Variants in TYW1 observed in about 807,000 individuals in gnomAD.
The protein encoded by TYW1 is S-adenosyl-L-methionine-dependent tRNA 4-demethylwyosine synthase TYW1.
In TYW1, 46 loss-of-function variants were observed where a neutral mutation model predicts 96.2. The observed-to-expected ratio is 0.48, with a 90% CI of 0.38 to 0.61. The LOEUF (loss-of-function observed/expected upper bound fraction) is 0.61. Ranked by LOEUF, TYW1 falls within the 20% of genes least tolerant of loss-of-function variation. The probability of loss-of-function intolerance (pLI) is 0.00; values close to 1 mark genes in which losing one functional copy is unlikely to be tolerated. For missense variants in TYW1, 684 were observed against 909.6 expected, an observed-to-expected ratio of 0.75 and a Z score of 3.19; for synonymous variants, 274 against 323.0, an observed-to-expected ratio of 0.85 and a Z score of 1.63.
At chr7:67,198,420 G>A (rs1405432269) in intron 15 of TYW1, among the ~76,000 whole-genome samples, 7 of 151,882 alleles carry the variant, frequency 4.6e-5, no homozygotes, top group South Asian at 2.1e-4. Context: ...GTGTGGTGGC[G>A]GGGGCCTGTA....
chr7:67,109,897 A>T (rs897252470), intron 12 of TYW1, among the ~76,000 whole-genome samples: 2 of 152,200 alleles, frequency 1.3e-5, no homozygotes, highest in Non-Finnish European at 2.9e-5. Flanking sequence ...AATAAAAAAG[A>T]AAACCAGTAG....
intron 15 of TYW1, among the ~76,000 whole-genome samples, chr7:67,234,459 G>A (rs1801825325): frequency 6.6e-6 from 1 of 151,974 alleles, no homozygotes; most frequent in Non-Finnish European, 1.5e-5. Context: ...GAGCAAGAAG[G>A]CAGCCGCCTT....
chr7:67,013,266 G>T (rs1296300424), intron 4 of TYW1, among the ~76,000 whole-genome samples: 3 of 151,964 alleles, frequency 2.0e-5, no homozygotes, highest in Non-Finnish European at 4.4e-5. Flanking sequence ...GGAACTACAG[G>T]CACCCACTAC....
At chr7:67,019,818 A>G (rs1236174855) in intron 6 of TYW1, among the ~76,000 whole-genome samples, 2 of 152,292 alleles carry the variant, frequency 1.3e-5, no homozygotes, top group Admixed American at 6.5e-5. Flanking sequence ...CTTTATAGCG[A>G]TAATATTGAT....
intron 15 of TYW1, among the ~76,000 whole-genome samples, chr7:67,234,955 TAAAA>T (rs3070651): frequency 2.9e-4 from 43 of 146,768 alleles, no homozygotes; most frequent in Non-Finnish European, 5.3e-4. Context: ...GTAGGTATGG[TAAAA>T]AAAAAAAAAA....
At chr7:67,157,997 A>G (rs1394350572) in intron 13 of TYW1, among the ~76,000 whole-genome samples, 1 of 151,250 alleles carries the variant, frequency 6.6e-6, no homozygotes, top group Non-Finnish European at 1.5e-5. Context: ...CTTTCTTACT[A>G]TTAAGTTTGC....
At chr7:67,172,825 TA>T (rs1461210042) in intron 13 of TYW1, among the ~76,000 whole-genome samples, 1 of 151,768 alleles carries the variant, frequency 6.6e-6, no homozygotes, top group Non-Finnish European at 1.5e-5. Flanking sequence ...AAGGACTTTT[TA>T]AAAAACAAAC....
intron 10 of TYW1, among the ~76,000 whole-genome samples, chr7:67,067,898 G>A (rs953281470): frequency 2.6e-5 from 4 of 152,110 alleles, no homozygotes; most frequent in African/African-American, 9.7e-5. Context: ...CCCATTGTAT[G>A]CAGAATTGAG....
chr7:67,015,007 T>G (rs1200147068), intron 5 of TYW1, among the ~76,000 whole-genome samples: 1 of 139,090 alleles, frequency 7.2e-6, no homozygotes, highest in Non-Finnish European at 1.6e-5. Context: ...GCCTCTTCTG[T>G]TTTTTTTTTT....
chr7:67,118,862 A>G (rs1477722781), intron 13 of TYW1, among the ~76,000 whole-genome samples: 8 of 136,768 alleles, frequency 5.8e-5, no homozygotes, highest in Non-Finnish European at 1.1e-4. Context: ...CGTGGGTGAC[A>G]GTGAGACCCC....
rs372224800 is a variant in TYW1, at chr7:67,206,393, C to T, written c.1977+11056C>T. 4.2e-4 allele frequency among the ~76,000 whole-genome samples: 64 copies of T among 152,102 alleles called. 1 individual carries two copies. Among genetic ancestry groups the T allele is most frequent in the Middle Eastern group, 3.4e-3 (1 of 294 alleles). ...CACCTGTAATCTCAGCACTTTGGGA[C>T]GCCAAGGCAGGTGGATCACCTTAGG... On this transcript the variant is annotated intron_variant, in intron 15 of 15. Coordinates refer to ENST00000359626, the MANE Select transcript of TYW1 (RefSeq NM_018264.4).
At chr7:67,116,465 C>G (rs11766419) in intron 12 of TYW1, among the ~76,000 whole-genome samples, 1 of 151,670 alleles carries the variant, frequency 6.6e-6, no homozygotes, top group East Asian at 1.9e-4. Flanking sequence ...GTGGGTGGAT[C>G]GCTTGAGCCC....
At position 67,025,659 on chromosome 7, in the gene TYW1, G is replaced by A. The variant is rs1794426007; in HGVS notation, c.984+637G>A. On this transcript the variant is annotated intron_variant, in intron 7 of 15. Coordinates refer to ENST00000359626, the MANE Select transcript of TYW1 (RefSeq NM_018264.4). ...CATGACTGGGGCCCCTAGGAATCCA[G>A]GAAATACCAATCTGGGATGTGACTG... Among the ~76,000 whole-genome samples the A allele has an allele frequency of 2.0e-5, 3 of 152,082 alleles. No individual in the cohort carries two copies. In the South Asian group the frequency reaches 6.2e-4, roughly 31 times the overall value.
intron 3 of TYW1, 127 bp from the exon 4 acceptor site, chr7:67,009,456 G>A (rs1157573181): frequency 5.3e-6 from 4 of 753,426 alleles, no homozygotes; most frequent in Non-Finnish European, 6.6e-6. Flanking sequence ...TTGTGTTCAT[G>A]AAGATACATA....
At chr7:67,110,785 G>A (rs1797379903) in intron 12 of TYW1, among the ~76,000 whole-genome samples, 1 of 152,090 alleles carries the variant, frequency 6.6e-6, no homozygotes, top group Non-Finnish European at 1.5e-5. Context: ...CGGGAGGATT[G>A]TTTGAGGCCA....
intron 6 of TYW1, among the ~76,000 whole-genome samples, chr7:67,022,911 A>G (rs1341990959): frequency 2.0e-5 from 3 of 152,182 alleles, no homozygotes; most frequent in African/African-American, 7.2e-5. Flanking sequence ...GGAGAGCGTA[A>G]GATCGTCCGT....
At chr7:67,121,577 A>G (rs1430839354) in intron 13 of TYW1, among the ~76,000 whole-genome samples, 5 of 151,912 alleles carry the variant, frequency 3.3e-5, no homozygotes, top group Admixed American at 2.0e-4. Flanking sequence ...TAAAAACTCA[A>G]GTGATACCAG....
intron 10 of TYW1, among the ~76,000 whole-genome samples, chr7:67,082,997 G>A (rs1796433321): frequency 6.6e-6 from 1 of 152,038 alleles, no homozygotes; most frequent in South Asian, 2.1e-4. Flanking sequence ...CTTTCCCCAG[G>A]CCTGCATCAG....
chr7:67,099,988 G>T (rs1563013255), intron 12 of TYW1, among the ~76,000 whole-genome samples: 2 of 152,040 alleles, frequency 1.3e-5, no homozygotes, highest in Non-Finnish European at 2.9e-5. Context: ...GGCAACAAGA[G>T]TGAAACTCTG....
Sources: allele counts gnomAD v4.1 joint callset (sites outside exome capture counted in the v4.1 genomes callset), GRCh38; gene constraint gnomAD v4.1.1; transcripts MANE v1.5; gene names NCBI Gene and HGNC (gene_info 2026-07-23, HGNC 2026-07-21).